AFF3: variants seen among roughly 807,000 people sequenced by gnomAD.
The protein encoded by AFF3 is AF4/FMR2 family member 3.
In AFF3, 32 loss-of-function variants were observed where a neutral mutation model predicts 129.7. That is an observed-to-expected ratio of 0.25 (90% CI 0.19 to 0.33). The LOEUF (loss-of-function observed/expected upper bound fraction) is 0.33, where lower values mean the gene tolerates loss of function less well. Ranked by LOEUF, AFF3 falls within the 10% of genes least tolerant of loss-of-function variation. The pLI is 1.00. For missense variants in AFF3, 1,373 were observed against 1,592.0 expected, an observed-to-expected ratio of 0.86 and a Z score of 2.34; for synonymous variants, 644 against 635.4, an observed-to-expected ratio of 1.01 and a Z score of -0.20.
chr2:99,747,558 G>A lies in AFF3; in HGVS notation c.1003-3418C>T, dbSNP rs991298603. On this transcript the variant is annotated intron_variant, in intron 9 of 24. Transcript: ENST00000672756. ...TGATCACAAGCAGAGAACCAGAGATGAGCTTACAGATGACCTGAATTAGGA... is the reference window on the plus strand; with the variant it reads ...TGATCACAAGCAGAGAACCAGAGATAAGCTTACAGATGACCTGAATTAGGA... Among the ~76,000 whole-genome samples the A allele has an allele frequency of 2.0e-5, 3 of 152,068 alleles. No homozygotes were observed. In the South Asian group the frequency reaches 6.2e-4, roughly 32 times the overall value.
chr2:99,589,396 C>CG lies in AFF3; in HGVS notation c.2467-2119_2467-2118insC, dbSNP rs1559510828. On this transcript the variant is annotated intron_variant, in intron 15 of 24. Coordinates refer to ENST00000672756, the MANE Select transcript of AFF3 (RefSeq NM_001386135.1). ...GACAACACCCCTGCAAAGATGTCAA[C>CG]ATTTTTTTTTTTTTTTTTTTTTTTG... 4.1e-5 allele frequency among the ~76,000 whole-genome samples: 4 copies of CG among 98,394 alleles called. No homozygotes were observed. The East Asian group carries it at 1.3e-3, about 32-fold the overall frequency. The allele number at this position is 98,394 out of a possible 152,430, so 64.6% of individuals were successfully genotyped here.
chr2:99,913,440 TTAGA>T (rs1695243709), intron 7 of AFF3, among the ~76,000 whole-genome samples: 1 of 152,174 alleles, frequency 6.6e-6, no homozygotes, highest in African/African-American at 2.4e-5. Flanking sequence ...CTAGTTTCTA[TTAGA>T]TAGATTGGTA....
At chr2:99,715,975 A>G (rs1558779564) in intron 11 of AFF3, among the ~76,000 whole-genome samples, 1 of 152,112 alleles carries the variant, frequency 6.6e-6, no homozygotes, top group East Asian at 1.9e-4. Flanking sequence ...CTCAGCCTCA[A>G]ATCTTCATTT....
At chr2:99,809,263 G>T (rs576614603) in intron 8 of AFF3, among the ~76,000 whole-genome samples, 2 of 152,230 alleles carry the variant, frequency 1.3e-5, no homozygotes, top group Non-Finnish European at 2.9e-5. Context: ...ACAGCAGAGC[G>T]CTTTAGCTGA....
chr2:99,972,662 A>C (rs1678499446), intron 7 of AFF3, among the ~76,000 whole-genome samples: 1 of 152,230 alleles, frequency 6.6e-6, no homozygotes, highest in Non-Finnish European at 1.5e-5. Flanking sequence ...TTGTTAAGGA[A>C]GCAGGCAATA....
intron 8 of AFF3, among the ~76,000 whole-genome samples, chr2:99,805,680 T>C (rs1029559202): frequency 5.3e-5 from 8 of 152,224 alleles, no homozygotes; most frequent in African/African-American, 1.7e-4. Flanking sequence ...TAACACTCTA[T>C]ACATATTTAA....
At chr2:100,135,978 A>T (rs1692625427) in intron 1 of AFF3, among the ~76,000 whole-genome samples, 1 of 152,226 alleles carries the variant, frequency 6.6e-6, no homozygotes, top group African/African-American at 2.4e-5. Context: ...TTGTGAAGGA[A>T]AGAAGTGAAG....
intron 7 of AFF3, among the ~76,000 whole-genome samples, chr2:99,913,237 C>T (rs1467251222): frequency 6.6e-6 from 1 of 152,140 alleles, no homozygotes; most frequent in Non-Finnish European, 1.5e-5. Context: ...AGATAGCAGC[C>T]TTGATTTTCA....
chr2:100,008,125 A>G (rs1360773563), intron 5 of AFF3, among the ~76,000 whole-genome samples: 2 of 152,214 alleles, frequency 1.3e-5, no homozygotes, highest in African/African-American at 2.4e-5. Context: ...CTGTAATTGT[A>G]GTCCCGTTAG....
chr2:99,876,129 C>T (rs760755675), intron 7 of AFF3, among the ~76,000 whole-genome samples: 1 of 152,144 alleles, frequency 6.6e-6, no homozygotes, highest in Non-Finnish European at 1.5e-5. Flanking sequence ...GGGCCTCCTC[C>T]ACTTCTCACT....
chr2:99,990,684 T>A (rs1381150368), intron 7 of AFF3, among the ~76,000 whole-genome samples: 1 of 152,030 alleles, frequency 6.6e-6, no homozygotes. Context: ...CAGTGGACAC[T>A]CAGAAGTTAG....
chr2:99,601,229 T>C (rs1396653156), intron 14 of AFF3, among the ~76,000 whole-genome samples: 2 of 152,214 alleles, frequency 1.3e-5, no homozygotes, highest in Non-Finnish European at 2.9e-5. Flanking sequence ...GTTTCTGTAC[T>C]TCAAAGGAAC....
intron 1 of AFF3, among the ~76,000 whole-genome samples, chr2:100,135,772 A>G (rs535138212): frequency 6.6e-6 from 1 of 152,344 alleles, no homozygotes; most frequent in East Asian, 1.9e-4. Flanking sequence ...CTTAAGTGTT[A>G]TAAGAATTCC....
rs538409527 is a variant in AFF3 at position 99,692,562 on chromosome 2, G to A, written c.1092-19973C>T. Among the ~76,000 whole-genome samples the A allele has an allele frequency of 2.6e-5, 4 of 152,260 alleles. No individual in the cohort carries two copies. In the South Asian group the frequency reaches 8.3e-4, roughly 32 times the overall value. On this transcript the variant is annotated intron_variant, in intron 11 of 24. Coordinates refer to ENST00000672756, the MANE Select transcript of AFF3 (RefSeq NM_001386135.1). ...TGAGCCTCATCCCATGGTGCTGCAT[G>A]CTGGGCTCCCACCTGCAATGCCTGG...
At chr2:99,938,857 C>T (rs1269199649) in intron 7 of AFF3, among the ~76,000 whole-genome samples, 1 of 152,184 alleles carries the variant, frequency 6.6e-6, no homozygotes, top group African/African-American at 2.4e-5. Flanking sequence ...ATATAATATA[C>T]ACTTGTCAGA....
intron 7 of AFF3, among the ~76,000 whole-genome samples, chr2:99,923,842 G>T (rs902270559): frequency 2.0e-5 from 3 of 151,772 alleles, no homozygotes; most frequent in African/African-American, 7.3e-5. Context: ...AGAGAGTCAC[G>T]GTGTATAATT....
At chr2:99,916,964 T>C (rs935334045) in intron 7 of AFF3, among the ~76,000 whole-genome samples, 1 of 152,162 alleles carries the variant, frequency 6.6e-6, no homozygotes, top group African/African-American at 2.4e-5. Context: ...TCAGAATATT[T>C]GCACTTTCTG....
chr2:99,919,407 C>A (rs774558856), intron 7 of AFF3, among the ~76,000 whole-genome samples: 1 of 151,978 alleles, frequency 6.6e-6, no homozygotes, highest in African/African-American at 2.4e-5. Context: ...AATGGGTTGT[C>A]GAATACGGGA....
chr2:99,901,004 C>G (rs1354504914), intron 7 of AFF3, among the ~76,000 whole-genome samples: 2 of 152,270 alleles, frequency 1.3e-5, no homozygotes, highest in Admixed American at 6.5e-5. Context: ...TCCCCTCTAA[C>G]AGCAGGTTGC....
Sources: allele counts gnomAD v4.1 joint callset (sites outside exome capture counted in the v4.1 genomes callset), GRCh38; gene constraint gnomAD v4.1.1; transcripts MANE v1.5; gene names NCBI Gene and HGNC (gene_info 2026-07-23, HGNC 2026-07-21).